The following CREB3L2 variants were observed in gnomAD, a reference collection of about 807,000 sequenced individuals.
CREB3L2 encodes the protein cAMP responsive element binding protein 3 like 2, also known as cyclic AMP-responsive element-binding protein 3-like protein 2.
In CREB3L2, 23 loss-of-function variants were observed where a neutral mutation model predicts 57.2. That is an observed-to-expected ratio of 0.40 (90% CI 0.29 to 0.57). CREB3L2 has a LOEUF of 0.57. Ranked by LOEUF, CREB3L2 falls within the 20% of genes least tolerant of loss-of-function variation. The probability of loss-of-function intolerance (pLI) is 0.42; values close to 1 mark genes in which losing one functional copy is unlikely to be tolerated. For missense variants in CREB3L2, 628 were observed against 634.7 expected, an observed-to-expected ratio of 0.99 and a Z score of 0.11; for synonymous variants, 268 against 265.1, an observed-to-expected ratio of 1.01 and a Z score of -0.11.
intron 1 of CREB3L2, among the ~76,000 whole-genome samples, chr7:137,989,130 C>G (rs1026381109): frequency 6.6e-6 from 1 of 152,184 alleles, no homozygotes; most frequent in African/African-American, 2.4e-5. Context: ...AAAGAGGCAG[C>G]GCTGTGTTCT....
intron 1 of CREB3L2, among the ~76,000 whole-genome samples, chr7:137,966,803 G>A (rs909884038): frequency 6.6e-6 from 1 of 152,174 alleles, no homozygotes; most frequent in African/African-American, 2.4e-5. Context: ...ATACGCAGGA[G>A]CCGCATACTC....
intron 8 of CREB3L2, among the ~76,000 whole-genome samples, chr7:137,892,170 C>G (rs1799539598): frequency 6.6e-6 from 1 of 152,036 alleles, no homozygotes; most frequent in Non-Finnish European, 1.5e-5. Context: ...TACACAATAT[C>G]AGAGGGCATT....
chr7:137,922,416 G>GTA (rs1179011567), intron 2 of CREB3L2, among the ~76,000 whole-genome samples: 1,379 of 17,106 alleles, frequency 0.081, 99 homozygotes, highest in African/African-American at 0.16. Context: ...ATATATATAT[G>GTA]TATATATATA....
chr7:137,884,843 G>A, intron 10 of CREB3L2, 152 bp downstream of exon 10: 1 of 1,083,788 alleles, frequency 9.2e-7, no homozygotes, highest in Non-Finnish European at 1.4e-6. Context: ...GGCCCCAGGG[G>A]AACCCCCACT....
At chr7:137,935,384 AGGAAACT>A (rs1249035070) in intron 1 of CREB3L2, among the ~76,000 whole-genome samples, 1 of 152,206 alleles carries the variant, frequency 6.6e-6, no homozygotes, top group African/African-American at 2.4e-5. Context: ...TTTACCAAAC[AGGAAACT>A]ACCTAAGACA....
chr7:137,993,660 C>T (rs1320326413), intron 1 of CREB3L2, among the ~76,000 whole-genome samples: 4 of 152,200 alleles, frequency 2.6e-5, no homozygotes, highest in Non-Finnish European at 5.9e-5. Context: ...GCTGGGATTA[C>T]AAGCATGGGC....
At chr7:137,936,139 C>T (rs565544098) in intron 1 of CREB3L2, among the ~76,000 whole-genome samples, 2 of 152,306 alleles carry the variant, frequency 1.3e-5, no homozygotes, top group East Asian at 3.9e-4. Context: ...TCAACAAATA[C>T]AGTGGGAGCA....
intron 1 of CREB3L2, among the ~76,000 whole-genome samples, chr7:137,930,901 A>G (rs1276194930): frequency 6.6e-6 from 1 of 150,574 alleles, no homozygotes; most frequent in Non-Finnish European, 1.5e-5. Context: ...TATACATATC[A>G]TGAACAATTA....
rs188733901 is a variant in CREB3L2 at position 137,943,998 on chromosome 7, G to A, written c.103-15632C>T. 1.6e-4 allele frequency among the ~76,000 whole-genome samples: 25 copies of A among 152,234 alleles called. No homozygotes were observed. The East Asian group carries it at 3.9e-3, about 24-fold the overall frequency. On this transcript the variant is annotated intron_variant, in intron 1 of 11. Transcript: ENST00000330387. Reference sequence around the variant, plus strand: ...AGCACTGTGTCAAAAACTTCTCTTCGTGACTGTCTCTGGCATGAAATTGTA... The same window carrying A: ...AGCACTGTGTCAAAAACTTCTCTTCATGACTGTCTCTGGCATGAAATTGTA...
Position 137,901,420 on chromosome 7 carries a change from A to C in CREB3L2, c.977T>G (p.Val326Gly). ...CAAGTTCTCAGTTGAACAAGACTCC[A>C]CTCTACAAAGGAGGGAGAAAGAAGA... ...KEYMDSLEKK[V>G]ESCSTENLEL... The change falls in exon 8 of 12, where the codon GTG becomes GGG. Residue 326 changes from valine to glycine, a missense_variant and splice_region_variant. Val to Gly is a moderately radical substitution (Grantham distance 109). Around this residue, in one of 3 missense-constraint regions of CREB3L2, gnomAD observed 272 missense variants for 242.7 expected, o/e 1.12. Coordinates refer to ENST00000330387, the MANE Select transcript of CREB3L2 (RefSeq NM_194071.4). The C allele has an allele frequency of 6.2e-7, 1 of 1,600,568 alleles. No individual in the cohort carries two copies. The highest frequency in any genetic ancestry group is 8.6e-7 in the Non-Finnish European group (1 of 1,168,078).
chr7:137,994,841 C>T (rs998497910), intron 1 of CREB3L2, among the ~76,000 whole-genome samples: 3 of 152,144 alleles, frequency 2.0e-5, no homozygotes, highest in African/African-American at 7.2e-5. Flanking sequence ...TACTGTTTTG[C>T]GCCCAGGGCA....
At chr7:137,955,319 T>C (rs908344255) in intron 1 of CREB3L2, 1 of 1,289,130 alleles carries the variant, frequency 7.8e-7, no homozygotes, top group Non-Finnish European at 1.0e-6. Context: ...GGATTGAAGC[T>C]GGTCGCATCC....
At chr7:137,901,646 C>T (rs1464890634) in intron 7 of CREB3L2, among the ~76,000 whole-genome samples, 2 of 151,078 alleles carry the variant, frequency 1.3e-5, no homozygotes, top group Non-Finnish European at 1.5e-5. Flanking sequence ...TTTGGGAGGC[C>T]GAAGCAGGCG....
intron 1 of CREB3L2, among the ~76,000 whole-genome samples, chr7:137,995,937 A>G (rs6967279): frequency 0.028 from 4,229 of 152,316 alleles, 182 homozygotes; most frequent in African/African-American, 0.096. Context: ...TCATGAGAAC[A>G]ATTTCAGAGA....
At chr7:137,927,809 G>C (rs1316188817) in intron 2 of CREB3L2, among the ~76,000 whole-genome samples, 1 of 147,378 alleles carries the variant, frequency 6.8e-6, no homozygotes, top group Non-Finnish European at 1.5e-5. Context: ...AAAATGGCAT[G>C]ACCCCTTGAA....
chr7:137,958,402 C>T (rs1455129453), intron 1 of CREB3L2, among the ~76,000 whole-genome samples: 1 of 152,066 alleles, frequency 6.6e-6, no homozygotes, highest in Non-Finnish European at 1.5e-5. Flanking sequence ...CAGTGGTTCA[C>T]ACCTATAATC....
chr7:137,916,082 A>G (rs989289090), intron 2 of CREB3L2, 70 bp from the exon 3 acceptor site: 1 of 1,305,950 alleles, frequency 7.7e-7, no homozygotes, highest in South Asian at 1.5e-5. Flanking sequence ...ACAAGCGACC[A>G]CTAGTCTTTC....
chr7:137,943,176 T>C (rs886071112), intron 1 of CREB3L2, among the ~76,000 whole-genome samples: 1 of 152,150 alleles, frequency 6.6e-6, no homozygotes, highest in Admixed American at 6.6e-5. Flanking sequence ...CCAGGCAGTC[T>C]CCCAGGCCCC....
chr7:137,884,542 C>T (rs1294143998), intron 10 of CREB3L2: 14 of 248,780 alleles, frequency 5.6e-5, no homozygotes, highest in Non-Finnish European at 7.8e-6. Context: ...GCCACCACGC[C>T]CGGCCCTGAC....
Sources: allele counts gnomAD v4.1 joint callset (sites outside exome capture counted in the v4.1 genomes callset), GRCh38; gene constraint gnomAD v4.1.1; regional missense constraint gnomAD v4.1.1; transcripts MANE v1.5; gene names NCBI Gene and HGNC (gene_info 2026-07-23, HGNC 2026-07-21).